The following CACNB2 variants were observed in gnomAD, a reference collection of about 807,000 sequenced individuals.
CACNB2 encodes voltage-dependent L-type calcium channel subunit beta-2.
A neutral mutation model predicts 73.3 loss-of-function variants in CACNB2; 42 were observed. The ratio of observed to expected loss-of-function variants is 0.57; its 90% CI spans 0.45 to 0.74. The LOEUF (loss-of-function observed/expected upper bound fraction) is 0.74, where lower values mean the gene tolerates loss of function less well. Ranked by LOEUF, CACNB2 falls within the 30% of genes least tolerant of loss-of-function variation. CACNB2 has a pLI of 0.00. For missense variants in CACNB2, 940 were observed against 853.0 expected (o/e 1.10, Z -1.27); for synonymous variants, 348 against 310.3 (o/e 1.12, Z -1.28).
rs869311555 is a variant in CACNB2 at position 18,307,983 on chromosome 10, CTTTTTTTTTTTTTT to C, written c.214-93927_214-93914del. The stretch of plus-strand genomic sequence containing the variant: ...TTAAGTCTAAAATAATATATGCCAA[CTTTTTTTTTTTTTT>C]TTTTTTTTTTTTTGAGGTAGAGTCT... On this transcript the variant is annotated intron_variant, in intron 2 of 13. Coordinates refer to ENST00000324631, the MANE Select transcript of CACNB2 (RefSeq NM_201596.3). Among the ~76,000 whole-genome samples, 2 of 70,268 alleles carry C rather than the reference CTTTTTTTTTTTTTT, an allele frequency of 2.8e-5. 1 individual carries two copies. The highest frequency in any genetic ancestry group is 5.4e-5 in the Non-Finnish European group (2 of 36,712). The allele number at this position is 70,268 out of a possible 152,430, so 46.1% of individuals were successfully genotyped here. A position where few individuals can be genotyped will look rare whatever the true frequency, so the allele number is the denominator to read the frequency against.
intron 2 of CACNB2, among the ~76,000 whole-genome samples, chr10:18,384,702 C>T (rs535732316): frequency 6.6e-6 from 1 of 151,666 alleles, no homozygotes; most frequent in South Asian, 2.1e-4. Flanking sequence ...TGTACTCCAG[C>T]CTGGGTGACA....
At chr10:18,220,226 TATATATAGAGAGAG>T (rs1445072830) in intron 2 of CACNB2, among the ~76,000 whole-genome samples, 36 of 45,660 alleles carry the variant, frequency 7.9e-4, no homozygotes, top group African/African-American at 5.5e-3. Flanking sequence ...TATATATATA[TATATATAGAGAGAG>T]AGAGAGAGAG....
intron 2 of CACNB2, among the ~76,000 whole-genome samples, chr10:18,281,979 C>T (rs1487688874): frequency 1.4e-5 from 1 of 69,990 alleles, no homozygotes; most frequent in Admixed American, 1.9e-4. Context: ...GACTCCATCT[C>T]AAAAAAAAAA....
At chr10:18,257,412 A>G (rs1057116683) in intron 2 of CACNB2, 5 of 152,196 alleles carry the variant, frequency 3.3e-5, no homozygotes, top group Admixed American at 1.3e-4. Flanking sequence ...AGTGCTAGGG[A>G]TATAGAGATA....
chr10:18,167,784 A>G (rs138769675), intron 2 of CACNB2, among the ~76,000 whole-genome samples: 3 of 152,286 alleles, frequency 2.0e-5, no homozygotes. Context: ...AAACAAATCT[A>G]TAGTTTAAGG....
intron 2 of CACNB2, among the ~76,000 whole-genome samples, chr10:18,352,133 TG>T (rs1464694319): frequency 6.6e-6 from 1 of 152,220 alleles, no homozygotes; most frequent in African/African-American, 2.4e-5. Flanking sequence ...AGTACATTTT[TG>T]CATCCAAGCC....
intron 2 of CACNB2, chr10:18,256,473 T>C: frequency 6.6e-6 from 1 of 152,228 alleles, no homozygotes; most frequent in East Asian, 1.9e-4. Context: ...AATTCTAAAC[T>C]CTTTGCTGTG....
chr10:18,497,575 A>G (rs953501281), intron 3 of CACNB2, among the ~76,000 whole-genome samples: 2 of 152,022 alleles, frequency 1.3e-5, no homozygotes, highest in African/African-American at 4.8e-5. Flanking sequence ...GCCTGCCACC[A>G]CACCTAGCCT....
chr10:18,409,102 A>T (rs2044465572), intron 3 of CACNB2, among the ~76,000 whole-genome samples: 1 of 152,148 alleles, frequency 6.6e-6, no homozygotes, highest in Admixed American at 6.5e-5. Context: ...GTTCGAGGCC[A>T]GGCTGGCCAA....
chr10:18,498,885 T>A (rs767214830), intron 4 of CACNB2: 86 of 216,800 alleles, frequency 4.0e-4, no homozygotes, highest in Non-Finnish European at 7.5e-4. Flanking sequence ...GCTGACAGTG[T>A]CTCAATACAA....
chr10:18,499,836 G>C (rs1395932213), intron 4 of CACNB2, among the ~76,000 whole-genome samples: 1 of 150,492 alleles, frequency 6.6e-6, no homozygotes, highest in East Asian at 1.9e-4. Context: ...AATTAACCTG[G>C]TGTGGTAGCA....
intron 3 of CACNB2, among the ~76,000 whole-genome samples, chr10:18,493,089 G>A (rs1028668827): frequency 3.9e-5 from 6 of 152,246 alleles, no homozygotes; most frequent in South Asian, 2.1e-4. Flanking sequence ...TTTGCATAGC[G>A]TTTACCTTGT....
intron 2 of CACNB2, among the ~76,000 whole-genome samples, chr10:18,175,267 A>G (rs2033513502): frequency 6.6e-6 from 1 of 152,192 alleles, no homozygotes; most frequent in Admixed American, 6.5e-5. Context: ...CACTGGTACC[A>G]GTTTGGTACT....
intron 2 of CACNB2, among the ~76,000 whole-genome samples, chr10:18,222,338 G>A (rs2035825740): frequency 6.6e-6 from 1 of 151,996 alleles, no homozygotes; most frequent in South Asian, 2.1e-4. Flanking sequence ...ATAAGACCCA[G>A]CAACCAGTTG....
chr10:18,149,187 A>C (rs2031287543), intron 1 of CACNB2, among the ~76,000 whole-genome samples: 2 of 152,166 alleles, frequency 1.3e-5, no homozygotes, highest in South Asian at 4.1e-4. Flanking sequence ...ATAAATTTAA[A>C]AGAAAATTTT....
chr10:18,524,294 A>G (rs1047545546), intron 9 of CACNB2, among the ~76,000 whole-genome samples: 4 of 151,868 alleles, frequency 2.6e-5, no homozygotes, highest in Non-Finnish European at 4.4e-5. Flanking sequence ...TTTGGAATGC[A>G]TACTGAATTG....
At position 18,150,944 on chromosome 10, in the gene CACNB2, C is replaced by A; in HGVS notation, c.182C>A (p.Ser61Tyr). 2 of 1,502,676 alleles carry A rather than the reference C, an allele frequency of 1.3e-6. No homozygotes were observed. The highest frequency in any genetic ancestry group is 5.7e-5 in the East Asian group (2 of 35,126). The allele number at this position is 1,502,676 out of a possible 1,614,324, so 93.1% of individuals were successfully genotyped here. Residue 61 changes from serine to tyrosine, a missense_variant, in exon 2 of 14, where the codon TCT becomes TAT. Coordinates refer to ENST00000324631, the MANE Select transcript of CACNB2 (RefSeq NM_201596.3). The stretch of plus-strand genomic sequence containing the variant: ...AAAGGATCTGATGGAAGCACGTCAT[C>A]TGATACTACCTCAAATAGTTTTGTT... ...RFKGSDGSTS[S>Y]DTTSNSFVRQ...
chr10:18,540,767 G>A lies in CACNB2; in HGVS notation c.*1043G>A, dbSNP rs1242159223. ...GTGTGCACCGAGTGACTGAATGGTT[G>A]AGATGAATTGGAATGCTGAAGACTA... On this transcript the variant is annotated 3_prime_UTR_variant, in exon 14 of 14. Transcript: ENST00000324631. The A allele has an allele frequency of 6.6e-6, 1 of 152,642 alleles. No homozygotes were observed. Among genetic ancestry groups the A allele is most frequent in the Non-Finnish European group, 1.5e-5 (1 of 68,050 alleles). 9.5% of individuals were successfully genotyped at this position (152,642 alleles called of 1,614,324 possible). A position where few individuals can be genotyped will look rare whatever the true frequency, so the allele number is the denominator to read the frequency against.
intron 3 of CACNB2, among the ~76,000 whole-genome samples, chr10:18,480,747 C>T (rs375363698): frequency 1.2e-4 from 18 of 152,240 alleles, no homozygotes; most frequent in African/African-American, 3.6e-4. Flanking sequence ...AGAAAATAGA[C>T]GAATTTATCC....
Sources: gnomAD v4.1 joint callset for allele counts (sites outside exome capture counted in the v4.1 genomes callset) on GRCh38, gnomAD v4.1.1 for gene constraint, MANE v1.5 for transcripts, NCBI Gene and HGNC (gene_info 2026-07-23, HGNC 2026-07-21) for gene names.